The following DNAH11 variants were observed in gnomAD, a reference collection of about 807,000 sequenced individuals.
DNAH11 encodes dynein axonemal heavy chain 11.
A neutral mutation model predicts 526.0 loss-of-function variants in DNAH11; 442 were observed. The observed-to-expected ratio is 0.84, with a 90% CI of 0.78 to 0.91. The LOEUF (loss-of-function observed/expected upper bound fraction) is 0.91, where lower values mean the gene tolerates loss of function less well. Among genes scored for constraint, DNAH11 ranks in the 40% least tolerant of loss-of-function variants. DNAH11 has a pLI of 0.00. For missense variants in DNAH11, 6,989 were observed against 5,448.7 expected (o/e 1.28, Z -8.90); for synonymous variants, 2,461 against 1,935.9 (o/e 1.27, Z -7.12).
chr7:21,878,534 C>T (rs530431677), intron 74 of DNAH11, among the ~76,000 whole-genome samples: 10 of 152,214 alleles, frequency 6.6e-5, no homozygotes, highest in Admixed American at 3.3e-4. Context: ...TCTTTTCTGC[C>T]TTCACAAGCT....
At chr7:21,563,222 T>G (rs1474341825) in intron 5 of DNAH11, among the ~76,000 whole-genome samples, 4 of 152,156 alleles carry the variant, frequency 2.6e-5, no homozygotes, top group African/African-American at 4.8e-5. Context: ...CCTTTTTCTT[T>G]TTTGGAGACA....
intron 14 of DNAH11, among the ~76,000 whole-genome samples, chr7:21,593,671 G>A (rs997950561): frequency 1.3e-5 from 2 of 152,068 alleles, no homozygotes; most frequent in African/African-American, 4.8e-5. Flanking sequence ...TAGGAATGTG[G>A]TGCTCACAGA....
chr7:21,643,343 G>C (rs1787205565), intron 28 of DNAH11, among the ~76,000 whole-genome samples: 3 of 152,116 alleles, frequency 2.0e-5, no homozygotes, highest in African/African-American at 7.2e-5. Flanking sequence ...TTTAACCACT[G>C]ATTCCTTATG....
intron 30 of DNAH11, among the ~76,000 whole-genome samples, chr7:21,678,375 T>C (rs2919224): frequency 0.57 from 86,104 of 151,852 alleles, 24,772 homozygotes; most frequent in African/African-American, 0.66. Context: ...GTTGAAAAAT[T>C]TATTTTTTAA....
At position 21,690,815 on chromosome 7, in the gene DNAH11, T is replaced by C; in HGVS notation, c.5975T>C (p.Phe1992Ser). The C allele has an allele frequency of 2.5e-6, 4 of 1,612,180 alleles. No individual in the cohort carries two copies. Among genetic ancestry groups the C allele is most frequent in the Non-Finnish European group, 3.4e-6 (4 of 1,179,410 alleles). ...ACACTGAAGCCATCAGTTGGAATAT[T>C]TATTACTATGAACCCGGGTTATGCT... ...AITLKPSVGIFITMNPGYAGR... is the reference protein window; with the variant it reads ...AITLKPSVGISITMNPGYAGR... Residue 1992 changes from phenylalanine (F) to serine (S), a missense_variant, in exon 35 of 82, where the codon TTT becomes TCT. Transcript: ENST00000409508.
chr7:21,589,058 C>T (rs1784579901), intron 11 of DNAH11, 150 bp from the exon 12 acceptor site: 2 of 556,518 alleles, frequency 3.6e-6, no homozygotes, highest in Non-Finnish European at 5.8e-6. Context: ...AAAGCAAAAG[C>T]AATTAATACG....
chr7:21,774,027 T>C, intron 56 of DNAH11, 28 bp downstream of exon 56: 1 of 1,493,760 alleles, frequency 6.7e-7, no homozygotes, highest in Non-Finnish European at 9.0e-7. Context: ...TATTACTGAG[T>C]AATATTTATG....
At position 21,847,958 on chromosome 7, in the gene DNAH11, G is replaced by T. The variant is rs144608153; in HGVS notation, c.10897-4509G>T. ...AGACGGGCGGATCACGAGGTCAGGG[G>T]ATCGATACCATCCTGGCTAACATGG... On this transcript the variant is annotated intron_variant, in intron 66 of 81. Coordinates refer to ENST00000409508, the MANE Select transcript of DNAH11 (RefSeq NM_001277115.2). 3.0e-3 allele frequency among the ~76,000 whole-genome samples: 463 copies of T among 152,128 alleles called. 1 individual carries two copies. Among genetic ancestry groups the T allele is most frequent in the African/African-American group, 0.011 (440 of 41,478 alleles).
chr7:21,741,066 T>C (rs1312351751), intron 48 of DNAH11, among the ~76,000 whole-genome samples: 1 of 152,166 alleles, frequency 6.6e-6, no homozygotes, highest in African/African-American at 2.4e-5. Context: ...TTAAATTGGG[T>C]TATTTTGTTG....
chr7:21,629,277 A>G (rs1479140297), intron 25 of DNAH11, among the ~76,000 whole-genome samples: 1 of 152,114 alleles, frequency 6.6e-6, no homozygotes, highest in Non-Finnish European at 1.5e-5. Flanking sequence ...GGTACTCGAT[A>G]TGATTTCTAC....
At chr7:21,861,387 A>G (rs1215712881) in intron 68 of DNAH11, among the ~76,000 whole-genome samples, 1 of 152,186 alleles carries the variant, frequency 6.6e-6, no homozygotes, top group African/African-American at 2.4e-5. Flanking sequence ...CTCCCCCAAA[A>G]ATGTATGGCC....
At chr7:21,698,309 A>G (rs987430830) in intron 36 of DNAH11, 96 bp downstream of exon 36, 102 of 1,516,996 alleles carry the variant, frequency 6.7e-5, no homozygotes, top group Non-Finnish European at 8.2e-5. Flanking sequence ...AAATTACATT[A>G]GACATTAAAA....
rs1562502458 is a variant in DNAH11 at position 21,710,573 on chromosome 7, T to C, written c.6704T>C (p.Ile2235Thr). ...ATTAGGATTGTTTACTCTTATTTTA[T>C]AGGTCTCTTCTCATCCATTCTACGA... The part of the protein sequence containing the change: ...KDGKIVYSYF[I>T]GLFSSILREQ... Residue 2235 changes from isoleucine (I) to threonine (T), a missense_variant, in exon 41 of 82, where the codon ATA becomes ACA. Physicochemically the swap from Ile to Thr is moderately conservative, Grantham distance 89. Coordinates refer to ENST00000409508, the MANE Select transcript of DNAH11 (RefSeq NM_001277115.2). The C allele has an allele frequency of 1.2e-6, 2 of 1,610,456 alleles. No individual in the cohort carries two copies. The highest frequency in any genetic ancestry group is 1.7e-6 in the Non-Finnish European group (2 of 1,177,616).
rs535469972 is a variant in DNAH11, at chr7:21,894,187, C to T, written c.12751-436C>T. On this transcript the variant is annotated intron_variant, in intron 77 of 81. Coordinates refer to ENST00000409508, the MANE Select transcript of DNAH11 (RefSeq NM_001277115.2). ...TACAGGCGTGAGCCACTGTGCCCAG[C>T]CCCTGGTTTGTGTGGCTTTTAAAAG... 1.5e-4 allele frequency among the ~76,000 whole-genome samples: 23 copies of T among 152,218 alleles called. No individual in the cohort carries two copies. The South Asian group carries it at 4.9e-3, about 32-fold the overall frequency.
intron 77 of DNAH11, 57 bp from the exon 78 acceptor site, chr7:21,894,566 T>A (rs932463408): frequency 4.5e-6 from 7 of 1,557,716 alleles, no homozygotes; most frequent in Non-Finnish European, 5.3e-6. Flanking sequence ...ATATACACAG[T>A]CACCATGACG....
At chr7:21,755,336 G>A (rs984148311) in intron 54 of DNAH11, among the ~76,000 whole-genome samples, 7 of 152,100 alleles carry the variant, frequency 4.6e-5, no homozygotes, top group Non-Finnish European at 8.8e-5. Flanking sequence ...CTTGCAGCTC[G>A]AATATAGAAC....
At chr7:21,764,535 C>T (rs1052400755) in intron 54 of DNAH11, among the ~76,000 whole-genome samples, 10 of 152,128 alleles carry the variant, frequency 6.6e-5, no homozygotes, top group South Asian at 4.1e-4. Flanking sequence ...TCCTCACGTA[C>T]GCAGGGACTT....
In DNAH11 at chr7:21,749,738, C is replaced by G. The variant is rs1583656768; in HGVS notation, c.8734C>G (p.Leu2912Val). The G allele has an allele frequency of 1.9e-6, 3 of 1,613,874 alleles. No homozygotes were observed. Among genetic ancestry groups the G allele is most frequent in the African/African-American group, 2.7e-5 (2 of 74,930 alleles). The change falls in exon 53 of 82, where the codon CTG becomes GTG. Residue 2912 changes from leucine to valine, a missense_variant. Coordinates refer to ENST00000409508, the MANE Select transcript of DNAH11 (RefSeq NM_001277115.2). ...CAAGAACATGCCCACTGTGTTCCTG[C>G]TGACAGATGCCCAGGTTCTAGATGA... ...GAKNMPTVFL[L>V]TDAQVLDESF... is the part of the protein sequence containing the mutation.
chr7:21,615,315 C>CT, intron 21 of DNAH11, 43 bp downstream of exon 21: 4 of 1,595,870 alleles, frequency 2.5e-6, no homozygotes, highest in Non-Finnish European at 3.4e-6. Flanking sequence ...TTTAGTAGTT[C>CT]TTTTACATAT....
Sources: allele counts gnomAD v4.1 joint callset (sites outside exome capture counted in the v4.1 genomes callset), GRCh38; gene constraint gnomAD v4.1.1; transcripts MANE v1.5; gene names NCBI Gene and HGNC (gene_info 2026-07-23, HGNC 2026-07-21).